PYHIN1: variants seen among roughly 807,000 people sequenced by gnomAD.
PYHIN1 encodes pyrin and HIN domain family member 1.
Under a neutral mutation model 43.7 loss-of-function variants are expected in PYHIN1, and 32 were observed. That is an observed-to-expected ratio of 0.73 (90% CI 0.55 to 0.98). PYHIN1 has a LOEUF of 0.98. Among genes scored for constraint, PYHIN1 ranks in the 50% least tolerant of loss-of-function variants. The probability of loss-of-function intolerance (pLI) is 0.00; values close to 1 mark genes in which losing one functional copy is unlikely to be tolerated. For missense variants in PYHIN1, 588 were observed against 589.5 expected (o/e 1.00, Z 0.03); for synonymous variants, 205 against 203.1 (o/e 1.01, Z -0.08).
Position 158,939,213 on chromosome 1 carries a change from C to T in PYHIN1, c.545C>T (p.Ser182Leu). Residue 182 changes from serine (S) to leucine (L), a missense_variant, in exon 4 of 9, where the codon TCA becomes TTA. Ser to Leu is a moderately radical substitution (Grantham distance 145, BLOSUM62 -2). Transcript: ENST00000368140. ...GGCCGTTCCCCACCTCCCCAGACCT[C>T]ATCATCAGCTCCACCCAACACTTCC... ...AMGRSPPPQT[S>L]SSAPPNTSST... is the part of the protein sequence containing the mutation. 1.2e-6 allele frequency: 2 copies of T among 1,609,134 alleles called. No homozygotes were observed. Among genetic ancestry groups the T allele is most frequent in the Non-Finnish European group, 1.7e-6 (2 of 1,178,592 alleles).
chr1:158,969,940 T>A (rs532973552), intron 7 of PYHIN1, among the ~76,000 whole-genome samples: 11 of 152,138 alleles, frequency 7.2e-5, no homozygotes, highest in Non-Finnish European at 1.6e-4. Flanking sequence ...TCTGCTTTGG[T>A]GACCCACTCC....
chr1:158,983,042 A>G, the PYHIN1 span, among the ~76,000 whole-genome samples: 2 of 152,094 alleles, frequency 1.3e-5, no homozygotes, highest in Non-Finnish European at 2.9e-5. Flanking sequence ...AATTTGGGGC[A>G]AAGGCTATGG....
rs1024792257 is a variant in PYHIN1 at position 158,933,551 on chromosome 1, C to G, written c.-21+1775C>G. Among the ~76,000 whole-genome samples the G allele has an allele frequency of 6.6e-6, 1 of 151,894 alleles. No homozygotes were observed. The highest frequency in any genetic ancestry group is 1.5e-5 in the Non-Finnish European group (1 of 67,902). On this transcript the variant is annotated intron_variant, in intron 1 of 8. Transcript: ENST00000368140. This position sits in a 1 kb window ranked among gnomAD's most constrained non-coding sequence, Gnocchi z 6.3. Reference sequence around the variant, plus strand: ...TCAGTGATCTTTTACTGACAACATACATATAGAAATTTTAAATCAAATTTG... The same window carrying G: ...TCAGTGATCTTTTACTGACAACATAGATATAGAAATTTTAAATCAAATTTG...
intron 7 of PYHIN1, among the ~76,000 whole-genome samples, chr1:158,965,247 C>A (rs1380013639): frequency 2.0e-5 from 3 of 152,126 alleles, no homozygotes; most frequent in African/African-American, 4.8e-5. Context: ...AAAACAAGTT[C>A]TCAGAGACCC....
chr1:158,964,908 A>T (rs372740333), intron 7 of PYHIN1, among the ~76,000 whole-genome samples: 72 of 152,176 alleles, frequency 4.7e-4, no homozygotes, highest in African/African-American at 1.6e-3. Flanking sequence ...TAATGTAAAC[A>T]GGCTACACAC....
intron 7 of PYHIN1, among the ~76,000 whole-genome samples, chr1:158,964,150 A>G (rs72704945): frequency 0.11 from 16,864 of 152,206 alleles, 1,078 homozygotes; most frequent in Non-Finnish European, 0.12. Context: ...GGGCTCAAAG[A>G]AATAGCTCAA....
At chr1:158,981,111 T>G (rs1651469558), downstream of PYHIN1, among the ~76,000 whole-genome samples, 1 of 152,204 alleles carries the variant, frequency 6.6e-6, no homozygotes, top group Non-Finnish European at 1.5e-5. Context: ...GGCTCCGTAG[T>G]GTACCATGTT....
At chr1:158,987,652 T>A in the PYHIN1 span, among the ~76,000 whole-genome samples, 1 of 152,216 alleles carries the variant, frequency 6.6e-6, no homozygotes, top group African/African-American at 2.4e-5. Context: ...TATTCTAAGA[T>A]GTATATAATT....
chr1:158,962,252 C>G (rs994895428), intron 7 of PYHIN1, among the ~76,000 whole-genome samples: 2 of 152,140 alleles, frequency 1.3e-5, no homozygotes, highest in African/African-American at 4.8e-5. Flanking sequence ...ACTCCAGTTA[C>G]TCCCTACCTG....
intron 7 of PYHIN1, among the ~76,000 whole-genome samples, chr1:158,952,077 G>A (rs1051519251): frequency 2.0e-5 from 3 of 151,320 alleles, no homozygotes; most frequent in East Asian, 1.9e-4. Context: ...GCTGCGTTGC[G>A]CTTGCCTAGG....
the PYHIN1 span, among the ~76,000 whole-genome samples, chr1:158,987,625 G>C: frequency 1.3e-5 from 2 of 152,026 alleles, no homozygotes; most frequent in Admixed American, 6.6e-5. Flanking sequence ...AGGTCATGTG[G>C]ATTTACACCT....
At chr1:158,962,006 G>A (rs1650351150) in intron 7 of PYHIN1, among the ~76,000 whole-genome samples, 1 of 152,162 alleles carries the variant, frequency 6.6e-6, no homozygotes, top group African/African-American at 2.4e-5. Flanking sequence ...CTCATGGGCC[G>A]GTAGCAGCTC....
chr1:158,935,798 G>T (rs948111964), intron 1 of PYHIN1, among the ~76,000 whole-genome samples: 1 of 152,128 alleles, frequency 6.6e-6, no homozygotes, highest in Admixed American at 6.5e-5. Context: ...GGCAGGTTTT[G>T]GGGGATAGGC....
chr1:158,961,986 C>T (rs370016252), intron 7 of PYHIN1, among the ~76,000 whole-genome samples: 3 of 152,300 alleles, frequency 2.0e-5, no homozygotes, highest in East Asian at 3.9e-4. Flanking sequence ...CAGCCACCCC[C>T]CTGCCTGAGC....
intron 1 of PYHIN1, among the ~76,000 whole-genome samples, chr1:158,932,374 T>G (rs1571708869): frequency 2.0e-5 from 3 of 152,178 alleles, no homozygotes; most frequent in Non-Finnish European, 2.9e-5. Flanking sequence ...ACCTTGGTGA[T>G]GGGATCACCA....
the PYHIN1 span, among the ~76,000 whole-genome samples, chr1:158,988,855 T>C: frequency 1.3e-5 from 2 of 152,218 alleles, no homozygotes; most frequent in Non-Finnish European, 2.9e-5. Context: ...AGAGAGACTC[T>C]GAAGAGAATA....
intron 8 of PYHIN1, among the ~76,000 whole-genome samples, chr1:158,976,336 C>A (rs908212443): frequency 6.6e-6 from 1 of 152,070 alleles, no homozygotes. Context: ...AGCAGTTGCA[C>A]CAGGAATACA....
At chr1:158,986,737 A>G in the PYHIN1 span, among the ~76,000 whole-genome samples, 1 of 152,178 alleles carries the variant, frequency 6.6e-6, no homozygotes, top group Non-Finnish European at 1.5e-5. Flanking sequence ...GGAGTATGGC[A>G]AGACTTAAGG....
chr1:158,974,149 TC>T, intron 8 of PYHIN1, among the ~76,000 whole-genome samples: 1 of 152,158 alleles, frequency 6.6e-6, no homozygotes, highest in South Asian at 2.1e-4. Context: ...ATATTCAAAA[TC>T]CCTGTTTCTT....
Sources: gnomAD v4.1 joint callset for allele counts (sites outside exome capture counted in the v4.1 genomes callset) on GRCh38, gnomAD v4.1.1 for gene constraint, Gnocchi (gnomAD v3.1) non-coding constraint, MANE v1.5 for transcripts, NCBI Gene and HGNC (gene_info 2026-07-23, HGNC 2026-07-21) for gene names.